ARHGAP39: variants seen among roughly 807,000 people sequenced by gnomAD.
The protein encoded by ARHGAP39 is rho GTPase-activating protein 39.
A neutral mutation model predicts 106.9 loss-of-function variants in ARHGAP39; 44 were observed. The ratio of observed to expected loss-of-function variants is 0.41; its 90% confidence interval spans 0.32 to 0.53. ARHGAP39 has a LOEUF of 0.53. Among genes scored for constraint, ARHGAP39 ranks in the 20% least tolerant of loss-of-function variants. The probability of loss-of-function intolerance (pLI) is 0.21; values close to 1 mark genes in which losing one functional copy is unlikely to be tolerated. For missense variants in ARHGAP39, 1,496 were observed against 1,577.3 expected, an observed-to-expected ratio of 0.95 and a Z score of 0.87; for synonymous variants, 768 against 693.2, an observed-to-expected ratio of 1.11 and a Z score of -1.69.
At chr8:144,570,808 C>T (rs140582829) in intron 3 of ARHGAP39, among the ~76,000 whole-genome samples, 142 of 152,116 alleles carry the variant, frequency 9.3e-4, no homozygotes, top group Non-Finnish European at 1.7e-3. Context: ...ATACCAGCAC[C>T]GATCCCACAG....
At chr8:144,557,674 T>C (rs1036782371) in intron 3 of ARHGAP39, among the ~76,000 whole-genome samples, 3 of 152,208 alleles carry the variant, frequency 2.0e-5, no homozygotes, top group Non-Finnish European at 4.4e-5. Flanking sequence ...AGGCAAAGCC[T>C]GAACCTTCAT....
intron 1 of ARHGAP39, among the ~76,000 whole-genome samples, chr8:144,633,802 G>A (rs1821121369): frequency 6.6e-6 from 1 of 152,190 alleles, no homozygotes; most frequent in Non-Finnish European, 1.5e-5. Flanking sequence ...TCAGCCCCCA[G>A]AGCAGCCAGG....
intron 3 of ARHGAP39, among the ~76,000 whole-genome samples, chr8:144,577,469 G>A (rs1365406424): frequency 1.3e-5 from 2 of 152,096 alleles, no homozygotes; most frequent in East Asian, 1.9e-4. Context: ...CCGAGATCAG[G>A]AGCAGAACAA....
intron 3 of ARHGAP39, among the ~76,000 whole-genome samples, chr8:144,557,765 C>A (rs1347004253): frequency 6.6e-6 from 1 of 152,224 alleles, no homozygotes; most frequent in Non-Finnish European, 1.5e-5. Context: ...TGGCAAAAGG[C>A]TGAACCTTCG....
chr8:144,696,525 A>C, the ARHGAP39 span, among the ~76,000 whole-genome samples: 1 of 152,174 alleles, frequency 6.6e-6, no homozygotes, highest in Non-Finnish European at 1.5e-5. Flanking sequence ...AAATATGCCT[A>C]ATCTGTTTTT....
intron 3 of ARHGAP39, among the ~76,000 whole-genome samples, chr8:144,559,567 CT>C (rs781270744): frequency 1.3e-5 from 2 of 151,984 alleles, no homozygotes; most frequent in African/African-American, 2.4e-5. Context: ...CACATTGCTC[CT>C]ACTGAGAAAT....
chr8:144,603,020 T>A (rs1196292986), intron 2 of ARHGAP39, among the ~76,000 whole-genome samples: 1 of 136,908 alleles, frequency 7.3e-6, no homozygotes, highest in African/African-American at 3.0e-5. Flanking sequence ...TGCGAGCTCA[T>A]GTATCTGTGT....
At chr8:144,587,352 C>T (rs572894277) in intron 2 of ARHGAP39, among the ~76,000 whole-genome samples, 15 of 152,254 alleles carry the variant, frequency 9.9e-5, no homozygotes, top group Non-Finnish European at 1.3e-4. Flanking sequence ...GGAGCCAGAA[C>T]GCGTGGAATG....
chr8:144,695,530 G>A, the ARHGAP39 span, among the ~76,000 whole-genome samples: 1 of 152,184 alleles, frequency 6.6e-6, no homozygotes, highest in Non-Finnish European at 1.5e-5. Context: ...GTACTTGAGC[G>A]AGTTAGAGAA....
At chr8:144,619,582 G>A (rs1233386644) in intron 1 of ARHGAP39, among the ~76,000 whole-genome samples, 1 of 151,592 alleles carries the variant, frequency 6.6e-6, no homozygotes, top group Non-Finnish European at 1.5e-5. Flanking sequence ...GTGTGTGTGA[G>A]ACTGTGTGTC....
In ARHGAP39 at chr8:144,580,864, A is replaced by G; in HGVS notation, c.494T>C (p.Val165Ala). The G allele has an allele frequency of 6.4e-7, 1 of 1,568,210 alleles. No homozygotes were observed. Among genetic ancestry groups the G allele is most frequent in the Non-Finnish European group, 8.6e-7 (1 of 1,164,912 alleles). ...RAGRPAAFGT[V>A]KEDSGSSSPP... ...CCCTCACCTGCCGCTGTCCTCCTTCACTGTCCCAAACGCCGCGGGCCGCCC... is the reference window on the plus strand; with the variant it reads ...CCCTCACCTGCCGCTGTCCTCCTTCGCTGTCCCAAACGCCGCGGGCCGCCC... Residue 165 changes from valine (V) to alanine (A), a missense_variant, in exon 3 of 12, where the codon GTG (valine) becomes GCG (alanine). Coordinates refer to ENST00000377307, the MANE Select transcript of ARHGAP39 (RefSeq NM_025251.3).
intron 3 of ARHGAP39, among the ~76,000 whole-genome samples, chr8:144,580,577 C>T (rs79343622): frequency 0.011 from 1,670 of 152,002 alleles, 32 homozygotes; most frequent in African/African-American, 0.038. Flanking sequence ...CCCCGCCCAC[C>T]GCCCTCACCT....
At chr8:144,552,017 CA>C (rs1817711664) in intron 4 of ARHGAP39, among the ~76,000 whole-genome samples, 1 of 152,208 alleles carries the variant, frequency 6.6e-6, no homozygotes, top group Non-Finnish European at 1.5e-5. Flanking sequence ...CTCTGTAGGG[CA>C]GGGGCACCAG....
intron 1 of ARHGAP39, among the ~76,000 whole-genome samples, chr8:144,658,771 G>T (rs1446986104): frequency 3.3e-5 from 5 of 151,932 alleles, no homozygotes; most frequent in Admixed American, 3.3e-4. Flanking sequence ...GCAGGAAAAA[G>T]AAAAGGTAGA....
At chr8:144,571,317 C>T (rs939323399) in intron 3 of ARHGAP39, among the ~76,000 whole-genome samples, 1 of 152,188 alleles carries the variant, frequency 6.6e-6, no homozygotes, top group Non-Finnish European at 1.5e-5. Flanking sequence ...GGATGCAAGG[C>T]TGGTTCAACA....
the ARHGAP39 span, among the ~76,000 whole-genome samples, chr8:144,699,396 G>A: frequency 5.4e-5 from 6 of 111,534 alleles, no homozygotes; most frequent in Admixed American, 1.7e-4. Flanking sequence ...GGGCCGGTGT[G>A]GGGGTGCTGT....
chr8:144,584,519 T>C (rs967567961), intron 2 of ARHGAP39, among the ~76,000 whole-genome samples: 3 of 152,052 alleles, frequency 2.0e-5, no homozygotes, highest in South Asian at 2.1e-4. Flanking sequence ...TCCCAGCACT[T>C]TGGGAGTCCC....
chr8:144,552,996 G>A (rs983789558), intron 4 of ARHGAP39, among the ~76,000 whole-genome samples: 15 of 152,200 alleles, frequency 9.9e-5, no homozygotes, highest in African/African-American at 3.6e-4. Flanking sequence ...GCTCTCAACT[G>A]TTCTGCTCTC....
In ARHGAP39 at chr8:144,605,569, G is replaced by C; in HGVS notation, c.46C>G (p.Leu16Val). ...GACCCTGGAATCCTCGACTCCGGCA[G>C]GTCGACATTATGGCTCCTGCACTCG... ...DYECRSHNVD[L>V]PESRIPGSNT... is the part of the protein sequence containing the mutation. The change falls in exon 2 of 12, where the codon CTG (leucine) becomes GTG (valine). Residue 16 changes from leucine to valine, a missense_variant. Physicochemically the swap from Leu to Val is conservative, Grantham distance 32. This residue lies in a region of ARHGAP39 where 96 missense variants were observed against 107.9 expected (regional missense o/e 0.89). Coordinates refer to ENST00000377307, the MANE Select transcript of ARHGAP39 (RefSeq NM_025251.3). 2.5e-6 allele frequency: 4 copies of C among 1,613,998 alleles called. No individual in the cohort carries two copies. The highest frequency in any genetic ancestry group is 3.4e-6 in the Non-Finnish European group (4 of 1,180,044).
Sources: gnomAD v4.1 joint callset for allele counts (sites outside exome capture counted in the v4.1 genomes callset) on GRCh38, gnomAD v4.1.1 for gene constraint, gnomAD v4.1.1 regional missense constraint, MANE v1.5 for transcripts, NCBI Gene and HGNC (gene_info 2026-07-23, HGNC 2026-07-21) for gene names.